The following NEDD4L variants were observed in gnomAD, a reference collection of about 807,000 sequenced individuals.
NEDD4L encodes the protein NEDD4 like E3 ubiquitin protein ligase, also known as E3 ubiquitin-protein ligase NEDD4-like.
In NEDD4L, 54 loss-of-function variants were observed where a neutral mutation model predicts 148.9. The ratio of observed to expected loss-of-function variants is 0.36; its 90% CI spans 0.29 to 0.45. NEDD4L has a LOEUF of 0.45. NEDD4L is among the 20% of genes least tolerant of loss of function. The probability of loss-of-function intolerance (pLI) is 1.00; values close to 1 mark genes in which losing one functional copy is unlikely to be tolerated. For missense variants in NEDD4L, 856 were observed against 1,233.8 expected (o/e 0.69, Z 4.59); for synonymous variants, 433 against 440.7 (o/e 0.98, Z 0.22).
chr18:58,166,334 G>C (rs1358794718), intron 2 of NEDD4L, among the ~76,000 whole-genome samples: 1 of 152,202 alleles, frequency 6.6e-6, no homozygotes, highest in East Asian at 1.9e-4. Flanking sequence ...GTACCAGCAG[G>C]GAAGCAGCCA....
At chr18:58,127,857 AAAG>A (rs2031411174) in intron 1 of NEDD4L, among the ~76,000 whole-genome samples, 2 of 141,920 alleles carry the variant, frequency 1.4e-5, no homozygotes, top group African/African-American at 5.2e-5. Context: ...AAAAAAAAAA[AAAG>A]AATCAACATT....
Position 58,064,976 on chromosome 18 carries a change from C to T in NEDD4L, c.48+20268C>T, listed in dbSNP as rs1026618720. 2.6e-5 allele frequency among the ~76,000 whole-genome samples: 4 copies of T among 152,176 alleles called. 1 individual carries two copies. The South Asian group carries it at 8.3e-4, about 31-fold the overall frequency. On this transcript the variant is annotated intron_variant, in intron 1 of 30. Coordinates refer to ENST00000400345, the MANE Select transcript of NEDD4L (RefSeq NM_001144967.3). ...ATATCCAGGTGGGGAAACCTTCCTG[C>T]TGTAGTGGAGCCTCTTGAGATGGCA... is the stretch of plus-strand genomic sequence containing the variant.
chr18:58,188,911 G>C (rs2039777572), intron 2 of NEDD4L, among the ~76,000 whole-genome samples: 1 of 152,070 alleles, frequency 6.6e-6, no homozygotes, highest in South Asian at 2.1e-4. Context: ...TGGATTCTTA[G>C]CTCCTGTTGA....
At position 58,169,363 on chromosome 18, in the gene NEDD4L, G is replaced by C. The variant is rs1252210445; in HGVS notation, c.122+3502G>C. On this transcript the variant is annotated intron_variant, in intron 2 of 30. Coordinates refer to ENST00000400345, the MANE Select transcript of NEDD4L (RefSeq NM_001144967.3). ...GATCATACCTTGAGGACAAAAAAGG[G>C]CAGTCATATAATCTGTCATCTAAAC... is the stretch of plus-strand genomic sequence containing the variant. Among the ~76,000 whole-genome samples the C allele has an allele frequency of 2.0e-5, 3 of 152,168 alleles. No individual in the cohort carries two copies. The East Asian group carries it at 5.8e-4, about 29-fold the overall frequency.
chr18:58,150,217 A>G (rs1436566737), intron 1 of NEDD4L, among the ~76,000 whole-genome samples: 1 of 152,168 alleles, frequency 6.6e-6, no homozygotes, highest in African/African-American at 2.4e-5. Flanking sequence ...CGAGCCATCA[A>G]TCCTGTTTTT....
At chr18:58,285,618 A>G (rs1363563781) in intron 5 of NEDD4L, among the ~76,000 whole-genome samples, 2 of 152,244 alleles carry the variant, frequency 1.3e-5, no homozygotes, top group Non-Finnish European at 2.9e-5. Context: ...AGCCCAGCCT[A>G]AGCCCAGGAA....
intron 1 of NEDD4L, among the ~76,000 whole-genome samples, chr18:58,139,068 C>G (rs2033193198): frequency 6.6e-6 from 1 of 152,194 alleles, no homozygotes; most frequent in Non-Finnish European, 1.5e-5. Context: ...CTTTATTTTA[C>G]CTGATATAAT....
intron 1 of NEDD4L, among the ~76,000 whole-genome samples, chr18:58,059,280 C>T (rs1273216466): frequency 6.6e-6 from 1 of 152,144 alleles, no homozygotes; most frequent in African/African-American, 2.4e-5. Context: ...ACTCTTTATT[C>T]TCTTTCCTCA....
chr18:58,255,958 G>A, intron 5 of NEDD4L: 5 of 1,231,212 alleles, frequency 4.1e-6, no homozygotes, highest in Non-Finnish European at 5.1e-6. Flanking sequence ...CCACGGACGG[G>A]TGCGGGCCGC....
At chr18:58,311,040 A>G (rs924010694) in intron 5 of NEDD4L, among the ~76,000 whole-genome samples, 1 of 151,684 alleles carries the variant, frequency 6.6e-6, no homozygotes, top group Non-Finnish European at 1.5e-5. Context: ...ATCACTACTT[A>G]ATGATTTTGA....
At chr18:58,266,920 CT>C (rs1193821892) in intron 5 of NEDD4L, among the ~76,000 whole-genome samples, 1 of 152,066 alleles carries the variant, frequency 6.6e-6, no homozygotes, top group Non-Finnish European at 1.5e-5. Context: ...AGTGGACTTG[CT>C]TTCTATATAG....
chr18:58,363,422 G>A (rs1482104082), intron 19 of NEDD4L, among the ~76,000 whole-genome samples: 1 of 152,154 alleles, frequency 6.6e-6, no homozygotes, highest in Non-Finnish European at 1.5e-5. Context: ...GTTAATGTCT[G>A]TGTATATGCA....
chr18:58,229,098 A>AT (rs2044742321), intron 2 of NEDD4L, among the ~76,000 whole-genome samples: 2 of 151,944 alleles, frequency 1.3e-5, no homozygotes, highest in East Asian at 1.9e-4. Flanking sequence ...GAAGAGGGTG[A>AT]TTTTTTTCCC....
intron 5 of NEDD4L, among the ~76,000 whole-genome samples, chr18:58,254,688 T>C (rs1357422085): frequency 6.6e-6 from 1 of 152,150 alleles, no homozygotes; most frequent in East Asian, 1.9e-4. Flanking sequence ...TTTCTCCAGC[T>C]GGGTTCATTT....
chr18:58,268,505 G>A (rs925548487), intron 5 of NEDD4L, among the ~76,000 whole-genome samples: 1 of 151,950 alleles, frequency 6.6e-6, no homozygotes, highest in Non-Finnish European at 1.5e-5. Context: ...TATATTTTGG[G>A]GTGAAATATT....
At chr18:58,172,776 C>T (rs34601020) in intron 2 of NEDD4L, among the ~76,000 whole-genome samples, 17,606 of 152,202 alleles carry the variant, frequency 0.12, 1,304 homozygotes, top group East Asian at 0.21. Context: ...AAGTTATCAT[C>T]AGCCCGAGAT....
chr18:58,127,393 C>G (rs1431793139), intron 1 of NEDD4L, among the ~76,000 whole-genome samples: 1 of 152,182 alleles, frequency 6.6e-6, no homozygotes, highest in Non-Finnish European at 1.5e-5. Flanking sequence ...AGGATGATAC[C>G]TTTGCCATTA....
intron 1 of NEDD4L, among the ~76,000 whole-genome samples, chr18:58,084,381 C>T (rs927977373): frequency 6.6e-6 from 1 of 152,086 alleles, no homozygotes; most frequent in Non-Finnish European, 1.5e-5. Flanking sequence ...ATTGTATACT[C>T]TAAATGGGTA....
At chr18:58,108,062 C>T (rs767404552) in intron 1 of NEDD4L, among the ~76,000 whole-genome samples, 1 of 152,188 alleles carries the variant, frequency 6.6e-6, no homozygotes, top group African/African-American at 2.4e-5. Context: ...CCTCAGAATA[C>T]GGAGATCTGG....
Sources: gnomAD v4.1 joint callset for allele counts (sites outside exome capture counted in the v4.1 genomes callset) on GRCh38, gnomAD v4.1.1 for gene constraint, MANE v1.5 for transcripts, NCBI Gene and HGNC (gene_info 2026-07-23, HGNC 2026-07-21) for gene names.